ODAD2: variants seen among roughly 807,000 people sequenced by gnomAD.
The protein encoded by ODAD2 is outer dynein arm docking complex subunit 2.
In ODAD2, 89 loss-of-function variants were observed where a neutral mutation model predicts 106.8. The ratio of observed to expected loss-of-function variants is 0.83; its 90% CI spans 0.70 to 0.99. The LOEUF (loss-of-function observed/expected upper bound fraction) is 0.99. Ranked by LOEUF, ODAD2 falls within the 50% of genes least tolerant of loss-of-function variation. ODAD2 has a pLI of 0.00. For synonymous variants in ODAD2, 404 were observed against 436.2 expected, an observed-to-expected ratio of 0.93 and a Z score of 0.92; for missense variants, 1,168 against 1,238.5, an observed-to-expected ratio of 0.94 and a Z score of 0.85.
chr10:27,952,583 T>A (rs537105189), intron 10 of ODAD2, among the ~76,000 whole-genome samples: 1 of 152,128 alleles, frequency 6.6e-6, no homozygotes, highest in Non-Finnish European at 1.5e-5. Flanking sequence ...GTGTGTGTTG[T>A]TACCCTCCCT....
At chr10:27,964,376 G>A (rs1848354916) in intron 9 of ODAD2, among the ~76,000 whole-genome samples, 1 of 152,156 alleles carries the variant, frequency 6.6e-6, no homozygotes, top group African/African-American at 2.4e-5. Context: ...CCTGCAAATT[G>A]GGGATGATAA....
At chr10:27,871,053 G>A (rs1263820409) in intron 17 of ODAD2, among the ~76,000 whole-genome samples, 2 of 152,156 alleles carry the variant, frequency 1.3e-5, no homozygotes, top group Non-Finnish European at 2.9e-5. Flanking sequence ...CATTCTAACT[G>A]GTGTGAGATG....
intron 8 of ODAD2, among the ~76,000 whole-genome samples, chr10:27,969,473 G>C (rs1431248370): frequency 6.6e-6 from 1 of 152,296 alleles, no homozygotes; most frequent in South Asian, 2.1e-4. Context: ...GAAAGAGTAA[G>C]AATATGGAAA....
chr10:27,986,339 T>C (rs1282935716), intron 3 of ODAD2, among the ~76,000 whole-genome samples: 1 of 152,196 alleles, frequency 6.6e-6, no homozygotes, highest in Non-Finnish European at 1.5e-5. Flanking sequence ...ATACCAAAAT[T>C]CTTGCAGAAA....
At chr10:27,897,324 G>C (rs188713479) in intron 17 of ODAD2, among the ~76,000 whole-genome samples, 1 of 151,976 alleles carries the variant, frequency 6.6e-6, no homozygotes, top group African/African-American at 2.4e-5. Context: ...ATCCAGATTC[G>C]TGTATTCAAA....
chr10:27,975,108 C>G, intron 7 of ODAD2, among the ~76,000 whole-genome samples: 1 of 152,084 alleles, frequency 6.6e-6, no homozygotes, highest in East Asian at 1.9e-4. Context: ...TATCCTGAAA[C>G]GTTGCTGAAG....
intron 10 of ODAD2, among the ~76,000 whole-genome samples, chr10:27,946,041 TTATA>T (rs1292874702): frequency 1.3e-5 from 2 of 149,582 alleles, no homozygotes; most frequent in Admixed American, 6.7e-5. Flanking sequence ...TACAAATAGA[TTATA>T]TATATAATAG....
intron 19 of ODAD2, chr10:27,835,930 A>G (rs1174779123): frequency 2.0e-5 from 3 of 152,122 alleles, no homozygotes; most frequent in African/African-American, 7.3e-5. Flanking sequence ...CCCATCAAAA[A>G]AAAAAAAAGG....
intron 9 of ODAD2, among the ~76,000 whole-genome samples, chr10:27,966,716 G>T (rs1163270297): frequency 6.6e-6 from 1 of 152,162 alleles, no homozygotes; most frequent in Non-Finnish European, 1.5e-5. Flanking sequence ...AGTAATAGCT[G>T]TTGCTTGGAT....
intron 19 of ODAD2, among the ~76,000 whole-genome samples, 170 bp from the exon 20 acceptor site, chr10:27,812,795 T>C (rs1564386500): frequency 6.6e-6 from 1 of 152,264 alleles, no homozygotes; most frequent in Non-Finnish European, 1.5e-5. Context: ...TTTAATCTGA[T>C]ACAGGAATTC....
intron 14 of ODAD2, among the ~76,000 whole-genome samples, chr10:27,938,477 C>T (rs1334168578): frequency 6.6e-6 from 1 of 152,100 alleles, no homozygotes; most frequent in Non-Finnish European, 1.5e-5. Flanking sequence ...GCCTCTGGGG[C>T]TGCAAGGAAA....
At chr10:27,918,617 C>T (rs1403684632) in intron 16 of ODAD2, among the ~76,000 whole-genome samples, 1 of 151,828 alleles carries the variant, frequency 6.6e-6, no homozygotes, top group Non-Finnish European at 1.5e-5. Context: ...AAATTGAATG[C>T]TTTCTCCCCA....
chr10:27,998,216 T>C (rs983897743), intron 1 of ODAD2, among the ~76,000 whole-genome samples: 1 of 152,206 alleles, frequency 6.6e-6, no homozygotes, highest in Admixed American at 6.5e-5. Flanking sequence ...CACTGCTTTC[T>C]GAGAATGCAG....
intron 7 of ODAD2, among the ~76,000 whole-genome samples, chr10:27,975,879 T>C (rs866090563): frequency 2.0e-5 from 3 of 152,168 alleles, no homozygotes; most frequent in Admixed American, 6.5e-5. Flanking sequence ...AATAACTTTA[T>C]GAATATAGGT....
At chr10:27,833,987 T>G (rs1360411537) in intron 19 of ODAD2, among the ~76,000 whole-genome samples, 1 of 152,166 alleles carries the variant, frequency 6.6e-6, no homozygotes, top group Admixed American at 6.5e-5. Flanking sequence ...TGGCGCCACC[T>G]TACAGGGATT....
chr10:27,813,024 A>G (rs1446981330), intron 19 of ODAD2, among the ~76,000 whole-genome samples: 1 of 152,206 alleles, frequency 6.6e-6, no homozygotes. Context: ...TGATCATGTC[A>G]CAACCTCATT....
At chr10:27,898,076 C>T (rs140762837) in intron 17 of ODAD2, among the ~76,000 whole-genome samples, 3 of 152,208 alleles carry the variant, frequency 2.0e-5, no homozygotes, top group Non-Finnish European at 2.9e-5. Context: ...ACACACTTTA[C>T]ATATAATAAT....
chr10:27,964,533 TG>T (rs1345720765), intron 9 of ODAD2, among the ~76,000 whole-genome samples: 3 of 152,310 alleles, frequency 2.0e-5, no homozygotes, highest in Admixed American at 6.5e-5. Flanking sequence ...TGAATGCTAT[TG>T]AAGAATGCTG....
chr10:27,944,312 T>G lies in ODAD2; in HGVS notation c.1653A>C (p.Leu551=). 4 of 1,614,104 alleles carry G rather than the reference T, an allele frequency of 2.5e-6. No homozygotes were observed. Among genetic ancestry groups the G allele is most frequent in the Non-Finnish European group, 3.4e-6 (4 of 1,180,008 alleles). ...VNILDSPHKS[L]KCLAAETIAN... ...CGATAGTCTCGGCTGCCAAACATTT[T>G]AGACTCTTGTGTGGAGAATCAAGTA... Residue 551 remains leucine, a synonymous_variant, in exon 12 of 20, where the codon CTA becomes CTC. Transcript: ENST00000305242.
Sources: gnomAD v4.1 joint callset for allele counts (sites outside exome capture counted in the v4.1 genomes callset) on GRCh38, gnomAD v4.1.1 for gene constraint, MANE v1.5 for transcripts, NCBI Gene and HGNC (gene_info 2026-07-23, HGNC 2026-07-21) for gene names.